The following SETX variants were observed in gnomAD, a reference collection of about 807,000 sequenced individuals.
SETX encodes helicase senataxin.
SETX carries 90 observed loss-of-function variants against 227.2 expected under a neutral mutation model. The ratio of observed to expected loss-of-function variants is 0.40; its 90% CI spans 0.33 to 0.47. The LOEUF is 0.47. Among genes scored for constraint, SETX ranks in the 20% least tolerant of loss-of-function variants. SETX has a pLI of 0.91. For missense variants in SETX, 3,052 were observed against 3,181.5 expected (o/e 0.96, Z 0.98); for synonymous variants, 1,210 against 1,113.2 (o/e 1.09, Z -1.73).
At chr9:132,333,416 TACACACACACACACAC>T (rs764524464) in intron 7 of SETX, among the ~76,000 whole-genome samples, 11 of 88,074 alleles carry the variant, frequency 1.2e-4, no homozygotes, top group South Asian at 4.0e-4. Context: ...AAAATATATA[TACACACACACACACAC>T]ACACACACAC....
chr9:132,288,090 C>A (rs917518124), intron 17 of SETX, 146 bp downstream of exon 17: 3 of 668,074 alleles, frequency 4.5e-6, no homozygotes, highest in African/African-American at 3.6e-5. Flanking sequence ...GCAGGAGGAT[C>A]ACCTGAACCC....
intron 3 of SETX, among the ~76,000 whole-genome samples, chr9:132,347,881 G>A (rs1178222290): frequency 6.6e-6 from 1 of 151,890 alleles, no homozygotes; most frequent in Non-Finnish European, 1.5e-5. Flanking sequence ...TCTATATACT[G>A]TATATATCTC....
intron 3 of SETX, among the ~76,000 whole-genome samples, chr9:132,347,914 A>T (rs1848381436): frequency 6.6e-6 from 1 of 152,096 alleles, no homozygotes; most frequent in Non-Finnish European, 1.5e-5. Context: ...TCTGTTTTTC[A>T]TCAATAAATA....
Position 132,328,142 on chromosome 9 carries a change from A to G in SETX, c.3456T>C (p.Phe1152=). 2.5e-6 allele frequency: 4 copies of G among 1,614,048 alleles called. No homozygotes were observed. Among genetic ancestry groups the G allele is most frequent in the Non-Finnish European group, 2.5e-6 (3 of 1,180,014 alleles). ...TAGGCTTTTTTACTTCAATTTCACAAAATTCTTCAACAGAAATACTCCGTG... is the reference window on the plus strand; with the variant it reads ...TAGGCTTTTTTACTTCAATTTCACAGAATTCTTCAACAGAAATACTCCGTG... ...TRPRSISVEE[F]CEIEVKKPKR... The change falls in exon 10 of 26, where the codon TTT becomes TTC. Residue 1152 remains phenylalanine (F), a synonymous_variant. Transcript: ENST00000224140.
rs371782011 is a variant in SETX, at chr9:132,302,022, C to T, written c.5375-1219G>A. ...TAATATTGTTAAAATGTCAGCTGTC[C>T]CCAAATTAATCTTTAGAGTCAAAGC... On this transcript the variant is annotated intron_variant, in intron 11 of 25. Coordinates refer to ENST00000224140, the MANE Select transcript of SETX (RefSeq NM_015046.7). Among the ~76,000 whole-genome samples, 110 of 152,212 alleles carry T rather than the reference C, an allele frequency of 7.2e-4. 3 individuals are homozygous for T. In the South Asian group the frequency reaches 0.022, roughly 30 times the overall value.
chr9:132,329,624 G>A lies in SETX; in HGVS notation c.1974C>T (p.Ile658=). The change falls in exon 10 of 26, where the codon ATC becomes ATT. Residue 658 remains isoleucine (I), a synonymous_variant. Transcript: ENST00000224140. ...EPMKVQDSVL[I]KADNTIEGDN... The stretch of plus-strand genomic sequence containing the variant: ...CACCTTCTATAGTGTTATCTGCTTT[G>A]ATCAATACACTGTCTTGCACTTTCA... 2 of 1,613,716 alleles carry A rather than the reference G, an allele frequency of 1.2e-6. No homozygotes were observed. The highest frequency in any genetic ancestry group is 1.7e-6 in the Non-Finnish European group (2 of 1,179,940).
intron 23 of SETX, 116 bp downstream of exon 23, chr9:132,275,140 C>A: frequency 9.0e-7 from 1 of 1,105,350 alleles, no homozygotes; most frequent in South Asian, 1.3e-5. Context: ...CTTCCTCGTG[C>A]CGTATCACCA....
rs1186648295 is a variant in SETX at position 132,325,273 on chromosome 9, C to T, written c.5274+1051G>A. Among the ~76,000 whole-genome samples, 4 of 151,914 alleles carry T rather than the reference C, an allele frequency of 2.6e-5. No homozygotes were observed. The East Asian group carries it at 5.9e-4, about 22-fold the overall frequency. On this transcript the variant is annotated intron_variant, in intron 10 of 25. Coordinates refer to ENST00000224140, the MANE Select transcript of SETX (RefSeq NM_015046.7). Reference sequence around the variant, plus strand: ...CGGGAGGCTGAGGCAGGAGAACAGCCTGAACCCGGGAGGCAGAGCTTGCAG... The same window carrying T: ...CGGGAGGCTGAGGCAGGAGAACAGCTTGAACCCGGGAGGCAGAGCTTGCAG...
intron 1 of SETX, 23 bp downstream of exon 1, chr9:132,354,894 C>T (rs1848826455): frequency 2.0e-5 from 3 of 152,750 alleles, no homozygotes; most frequent in African/African-American, 7.2e-5. Flanking sequence ...GACCTACGGC[C>T]TCCAGCCCGC....
intron 10 of SETX, among the ~76,000 whole-genome samples, chr9:132,321,181 G>A (rs987116225): frequency 1.3e-5 from 2 of 152,134 alleles, no homozygotes; most frequent in Admixed American, 6.6e-5. Context: ...AATATGTGAC[G>A]ATTCTTTTTT....
chr9:132,266,721 G>T (rs1278154855), intron 25 of SETX, among the ~76,000 whole-genome samples: 2 of 152,110 alleles, frequency 1.3e-5, no homozygotes, highest in African/African-American at 4.8e-5. Flanking sequence ...GCAGTGAGCT[G>T]AGATTGTGCC....
At chr9:132,355,565 T>C (rs62576497), upstream of SETX, among the ~76,000 whole-genome samples, 121,599 of 151,900 alleles carry the variant, frequency 0.8, 49,180 homozygotes, top group Non-Finnish European at 0.86. Flanking sequence ...CCCTCGCTGG[T>C]GCGGTGGCTC....
chr9:132,271,040 A>G (rs932500704), intron 24 of SETX, among the ~76,000 whole-genome samples: 1 of 152,212 alleles, frequency 6.6e-6, no homozygotes, highest in Admixed American at 6.5e-5. Flanking sequence ...ATCATGTAAG[A>G]GTCTTGGGCT....
At chr9:132,339,348 G>T (rs374850732) in intron 5 of SETX, among the ~76,000 whole-genome samples, 12 of 152,216 alleles carry the variant, frequency 7.9e-5, no homozygotes, top group African/African-American at 2.9e-4. Context: ...GGTGACCGAG[G>T]AAGGAGATTT....
upstream of SETX, among the ~76,000 whole-genome samples, chr9:132,355,231 C>A (rs890634175): frequency 2.0e-5 from 3 of 152,040 alleles, no homozygotes; most frequent in Non-Finnish European, 2.9e-5. Flanking sequence ...GAGTTTGCCG[C>A]GGAACCTTGA....
chr9:132,328,903 A>C lies in SETX; in HGVS notation c.2695T>G (p.Phe899Val). ...FHVDGKELIP[F>V]TEMTNASEKK... ...TCTGAAGCATTGGTCATTTCTGTAAAAGGGATCAATTCTTTACCATCAACA... is the reference window on the plus strand; with the variant it reads ...TCTGAAGCATTGGTCATTTCTGTAACAGGGATCAATTCTTTACCATCAACA... Residue 899 changes from phenylalanine to valine, a missense_variant, in exon 10 of 26, where the codon TTT becomes GTT. Transcript: ENST00000224140. The C allele has an allele frequency of 6.2e-7, 1 of 1,613,964 alleles. No individual in the cohort carries two copies. The highest frequency in any genetic ancestry group is 8.5e-7 in the Non-Finnish European group (1 of 1,179,980).
At position 132,283,018 on chromosome 9, in the gene SETX, A is replaced by T; in HGVS notation, c.6546+246T>A. 5.7e-6 allele frequency: 3 copies of T among 527,476 alleles called. No homozygotes were observed. In the South Asian group the frequency reaches 6.1e-5, roughly 11 times the overall value. 32.7% of individuals were successfully genotyped at this position (527,476 alleles called of 1,614,324 possible). ...CTAAGCAGGAGTGAGACAGTCACTCAGCAGAGATTTTGTTAGAAACCATCA... is the reference window on the plus strand; with the variant it reads ...CTAAGCAGGAGTGAGACAGTCACTCTGCAGAGATTTTGTTAGAAACCATCA... On this transcript the variant is annotated intron_variant, in intron 19 of 25. Transcript: ENST00000224140.
intron 7 of SETX, among the ~76,000 whole-genome samples, chr9:132,331,794 C>A (rs545735125): frequency 1.3e-5 from 2 of 152,140 alleles, no homozygotes; most frequent in Non-Finnish European, 2.9e-5. Flanking sequence ...AATTCAGCTC[C>A]TCAACCCCTG....
intron 5 of SETX, among the ~76,000 whole-genome samples, chr9:132,339,051 C>G (rs79548317): frequency 0.096 from 14,542 of 152,256 alleles, 792 homozygotes; most frequent in East Asian, 0.24. Flanking sequence ...GCATGAGCGA[C>G]CATGCCCAGC....
Sources: allele counts gnomAD v4.1 joint callset (sites outside exome capture counted in the v4.1 genomes callset), GRCh38; gene constraint gnomAD v4.1.1; transcripts MANE v1.5; gene names NCBI Gene and HGNC (gene_info 2026-07-23, HGNC 2026-07-21).